RIMS1: variants seen among roughly 807,000 people sequenced by gnomAD.
RIMS1 encodes regulating synaptic membrane exocytosis protein 1.
Under a neutral mutation model 214.1 loss-of-function variants are expected in RIMS1, and 83 were observed. The observed-to-expected ratio is 0.39, with a 90% confidence interval of 0.32 to 0.47. The LOEUF is 0.47. Ranked by LOEUF, RIMS1 falls within the 20% of genes least tolerant of loss-of-function variation. The pLI, the probability that RIMS1 is intolerant of heterozygous loss-of-function variation, is 0.99. For missense variants in RIMS1, 2,050 were observed against 2,161.8 expected, an observed-to-expected ratio of 0.95 and a Z score of 1.03; for synonymous variants, 793 against 786.8, an observed-to-expected ratio of 1.01 and a Z score of -0.13.
At chr6:72,359,508 T>G (rs897361660) in intron 29 of RIMS1, among the ~76,000 whole-genome samples, 1 of 152,082 alleles carries the variant, frequency 6.6e-6, no homozygotes, top group African/African-American at 2.4e-5. Flanking sequence ...GAGACTGACC[T>G]TTCCAAATAT....
At chr6:72,245,455 A>G (rs919524861) in intron 10 of RIMS1, among the ~76,000 whole-genome samples, 3 of 152,026 alleles carry the variant, frequency 2.0e-5, no homozygotes, top group Non-Finnish European at 4.4e-5. Flanking sequence ...ACTGATGTGT[A>G]AAATTTGTGT....
intron 26 of RIMS1, among the ~76,000 whole-genome samples, chr6:72,302,439 A>G (rs1166965588): frequency 1.3e-5 from 2 of 151,642 alleles, no homozygotes; most frequent in African/African-American, 4.8e-5. Context: ...CAGTCTTGGT[A>G]TAGTCTATAC....
intron 2 of RIMS1, among the ~76,000 whole-genome samples, chr6:72,022,608 A>C (rs1299711694): frequency 1.3e-5 from 2 of 152,242 alleles, no homozygotes; most frequent in African/African-American, 4.8e-5. Flanking sequence ...AATGCTTTAC[A>C]TTATGCAGAA....
intron 28 of RIMS1, among the ~76,000 whole-genome samples, chr6:72,316,439 C>G (rs1263944951): frequency 1.3e-5 from 2 of 152,174 alleles, no homozygotes; most frequent in Non-Finnish European, 2.9e-5. Context: ...GCCACAACCA[C>G]GCGTGGGGTA....
intron 1 of RIMS1, among the ~76,000 whole-genome samples, chr6:71,929,656 T>C (rs547311811): frequency 2.6e-5 from 4 of 152,134 alleles, no homozygotes; most frequent in Admixed American, 2.6e-4. Context: ...GAAGATACAG[T>C]ATAAAAGATC....
At chr6:71,964,402 C>T (rs1293596921) in intron 1 of RIMS1, among the ~76,000 whole-genome samples, 1 of 152,100 alleles carries the variant, frequency 6.6e-6, no homozygotes, top group African/African-American at 2.4e-5. Flanking sequence ...TGAGAATAGA[C>T]TCCAGGAGGA....
chr6:72,012,082 A>G (rs1017405070), intron 2 of RIMS1, among the ~76,000 whole-genome samples: 4 of 152,236 alleles, frequency 2.6e-5, no homozygotes, highest in Non-Finnish European at 1.5e-5. Flanking sequence ...ATCCAACCCA[A>G]ATGTCCAACA....
In RIMS1 at chr6:71,937,110, A is replaced by G. The variant is rs1033226871; in HGVS notation, c.165-31873A>G. Among the ~76,000 whole-genome samples the G allele has an allele frequency of 4.6e-5, 7 of 152,224 alleles. No individual in the cohort carries two copies. The South Asian group carries it at 1.5e-3, about 32-fold the overall frequency. On this transcript the variant is annotated intron_variant, in intron 1 of 33. Coordinates refer to ENST00000521978, the MANE Select transcript of RIMS1 (RefSeq NM_014989.7). Reference sequence around the variant, plus strand: ...GCTTCAACTTACCTGTGTAGGCTTAACAGAGGCAAGCACTTTTCAGAGTCA... The same window carrying G: ...GCTTCAACTTACCTGTGTAGGCTTAGCAGAGGCAAGCACTTTTCAGAGTCA...
chr6:72,301,858 A>C (rs1024518237), intron 26 of RIMS1, among the ~76,000 whole-genome samples: 5 of 151,586 alleles, frequency 3.3e-5, no homozygotes, highest in African/African-American at 1.2e-4. Flanking sequence ...AAATTGGGAA[A>C]ATAACATGAT....
intron 6 of RIMS1, among the ~76,000 whole-genome samples, chr6:72,216,270 A>T (rs2055966701): frequency 6.6e-6 from 1 of 152,204 alleles, no homozygotes; most frequent in Non-Finnish European, 1.5e-5. Flanking sequence ...GAGAAAAAAA[A>T]AATCTATTGT....
intron 16 of RIMS1, among the ~76,000 whole-genome samples, chr6:72,255,833 C>G (rs939983478): frequency 6.6e-6 from 1 of 151,864 alleles, no homozygotes; most frequent in Non-Finnish European, 1.5e-5. Context: ...GTCAGGAGTT[C>G]GAGACCAGCC....
chr6:72,317,636 T>G (rs1334164849), intron 28 of RIMS1, among the ~76,000 whole-genome samples: 1 of 152,212 alleles, frequency 6.6e-6, no homozygotes, highest in Non-Finnish European at 1.5e-5. Context: ...ATGCCCCTTA[T>G]TTCACAATAG....
At chr6:72,367,977 G>T (rs2098090884) in intron 29 of RIMS1, among the ~76,000 whole-genome samples, 1 of 151,990 alleles carries the variant, frequency 6.6e-6, no homozygotes, top group South Asian at 2.1e-4. Context: ...TTCAGAAGCA[G>T]GGCTTATCCG....
intron 29 of RIMS1, among the ~76,000 whole-genome samples, chr6:72,357,665 G>A (rs1056100613): frequency 6.6e-6 from 1 of 152,118 alleles, no homozygotes; most frequent in Non-Finnish European, 1.5e-5. Context: ...CTATGGTTCT[G>A]TAACTTGTTT....
chr6:72,009,614 T>G (rs567067165), intron 2 of RIMS1, among the ~76,000 whole-genome samples: 1 of 150,846 alleles, frequency 6.6e-6, no homozygotes, highest in Non-Finnish European at 1.5e-5. Flanking sequence ...AAGAATCAAA[T>G]AGACTCAATA....
rs1459788229 is a variant in RIMS1 at position 72,237,926 on chromosome 6, A to C, written c.1957+4A>C. 1 of 1,594,900 alleles carries C rather than the reference A, an allele frequency of 6.3e-7. No individual in the cohort carries two copies. The highest frequency in any genetic ancestry group is 2.2e-5 in the East Asian group (1 of 44,712). Reference sequence around the variant, plus strand: ...GTAGTTGGACACCTAAGAGCAGGTAAAGTTTCTTTTTTTAATATTTAAACA... The same window carrying C: ...GTAGTTGGACACCTAAGAGCAGGTACAGTTTCTTTTTTTAATATTTAAACA... On this transcript the variant is annotated splice_donor_region_variant and intron_variant, in intron 9 of 33. Coordinates refer to ENST00000521978, the MANE Select transcript of RIMS1 (RefSeq NM_014989.7).
intron 4 of RIMS1, among the ~76,000 whole-genome samples, chr6:72,164,339 T>TG (rs962882978): frequency 7.9e-5 from 12 of 151,614 alleles, no homozygotes; most frequent in African/African-American, 2.9e-4. Context: ...TTGTGCTTCC[T>TG]GGGTGAGGCA....
At chr6:72,381,523 T>A (rs1564717955) in intron 29 of RIMS1, among the ~76,000 whole-genome samples, 1 of 152,270 alleles carries the variant, frequency 6.6e-6, no homozygotes, top group Non-Finnish European at 1.5e-5. Context: ...TAAGAGGTAG[T>A]ACAGATGGTA....
intron 4 of RIMS1, among the ~76,000 whole-genome samples, chr6:72,141,024 G>A (rs989729712): frequency 8.6e-5 from 13 of 151,990 alleles, no homozygotes; most frequent in Non-Finnish European, 1.8e-4. Flanking sequence ...CCCAGTTGAT[G>A]AGTAGTAGGT....
Sources: allele counts gnomAD v4.1 joint callset (sites outside exome capture counted in the v4.1 genomes callset), GRCh38; gene constraint gnomAD v4.1.1; transcripts MANE v1.5; gene names NCBI Gene and HGNC (gene_info 2026-07-23, HGNC 2026-07-21).